CLVS1: variants seen among roughly 807,000 people sequenced by gnomAD.
CLVS1 encodes the protein clavesin-1.
Under a neutral mutation model 33.1 loss-of-function variants are expected in CLVS1, and 10 were observed. The ratio of observed to expected loss-of-function variants is 0.30; its 90% CI spans 0.19 to 0.51. The LOEUF (loss-of-function observed/expected upper bound fraction) is 0.51, where lower values mean the gene tolerates loss of function less well. Ranked by LOEUF, CLVS1 falls within the 20% of genes least tolerant of loss-of-function variation. The pLI is 0.97. For missense variants in CLVS1, 343 were observed against 433.4 expected, an observed-to-expected ratio of 0.79 and a Z score of 1.85; for synonymous variants, 163 against 166.1, an observed-to-expected ratio of 0.98 and a Z score of 0.14.
At chr8:61,440,763 A>G (rs1816509535) in intron 3 of CLVS1, among the ~76,000 whole-genome samples, 1 of 152,194 alleles carries the variant, frequency 6.6e-6, no homozygotes, top group Admixed American at 6.5e-5. Flanking sequence ...GAACCTGCAG[A>G]AAAAACCTAG....
At chr8:61,189,321 G>A (rs1807411496) in intron 2 of CLVS1, among the ~76,000 whole-genome samples, 1 of 152,128 alleles carries the variant, frequency 6.6e-6, no homozygotes, top group South Asian at 2.1e-4. Flanking sequence ...ACAAGCAAAT[G>A]CTGAGAGATT....
chr8:61,198,742 C>T (rs1290757396), intron 2 of CLVS1, among the ~76,000 whole-genome samples: 1 of 152,158 alleles, frequency 6.6e-6, no homozygotes, highest in Non-Finnish European at 1.5e-5. Flanking sequence ...TCTAAGTCTC[C>T]AAAGTCCATT....
chr8:61,073,856 C>CA (rs1222563690), intron 1 of CLVS1, among the ~76,000 whole-genome samples: 3 of 151,008 alleles, frequency 2.0e-5, no homozygotes, highest in Admixed American at 6.6e-5. Context: ...ACTAAAAATA[C>CA]AAAAAATTAG....
the CLVS1 span, among the ~76,000 whole-genome samples, chr8:60,977,815 T>G: frequency 1.3e-5 from 2 of 152,168 alleles, no homozygotes; most frequent in Non-Finnish European, 1.5e-5. Flanking sequence ...AGAAGTTCAA[T>G]GAACTCCAAG....
the CLVS1 span, among the ~76,000 whole-genome samples, chr8:60,995,571 C>G: frequency 6.6e-6 from 1 of 152,144 alleles, no homozygotes; most frequent in Non-Finnish European, 1.5e-5. Context: ...GTGGGACTGT[C>G]AACTAGTTCA....
chr8:61,396,821 C>T (rs1273258200), intron 3 of CLVS1, among the ~76,000 whole-genome samples: 1 of 152,180 alleles, frequency 6.6e-6, no homozygotes, highest in Non-Finnish European at 1.5e-5. Context: ...GCTTCTTTCT[C>T]TCAGCATAAT....
the CLVS1 span, among the ~76,000 whole-genome samples, chr8:61,028,371 G>T: frequency 6.6e-6 from 1 of 152,160 alleles, no homozygotes; most frequent in Non-Finnish European, 1.5e-5. Flanking sequence ...GAATCATACG[G>T]TAATTCTTAT....
At chr8:61,237,587 C>T (rs913306540) in intron 2 of CLVS1, among the ~76,000 whole-genome samples, 1 of 152,116 alleles carries the variant, frequency 6.6e-6, no homozygotes, top group Non-Finnish European at 1.5e-5. Context: ...GAGCATATTG[C>T]GGTCTAGAGA....
chr8:61,129,623 G>A (rs1462992453), intron 1 of CLVS1, among the ~76,000 whole-genome samples: 2 of 152,144 alleles, frequency 1.3e-5, no homozygotes, highest in Non-Finnish European at 1.5e-5. Flanking sequence ...GTCCAATAAG[G>A]CCACTTTCTG....
At chr8:61,464,742 A>G (rs1271520053) in intron 5 of CLVS1, 1 of 152,290 alleles carries the variant, frequency 6.6e-6, no homozygotes, top group Non-Finnish European at 1.5e-5. Context: ...CATGGCCACA[A>G]GGATGTCCTG....
At chr8:61,109,373 C>G (rs1189175320) in intron 1 of CLVS1, among the ~76,000 whole-genome samples, 1 of 152,126 alleles carries the variant, frequency 6.6e-6, no homozygotes, top group African/African-American at 2.4e-5. Context: ...ACCTAAAAAT[C>G]CAGCACACCC....
chr8:61,306,005 G>A (rs532250213), intron 2 of CLVS1, among the ~76,000 whole-genome samples: 9 of 152,222 alleles, frequency 5.9e-5, no homozygotes, highest in African/African-American at 1.7e-4. Context: ...GAACATACAC[G>A]TGCATGTGTC....
chr8:61,092,817 T>A (rs116060655), intron 1 of CLVS1, among the ~76,000 whole-genome samples: 3 of 152,242 alleles, frequency 2.0e-5, no homozygotes. Flanking sequence ...CCCTTTCCCA[T>A]GTGTCATAAC....
intron 3 of CLVS1, among the ~76,000 whole-genome samples, chr8:61,448,684 T>G (rs567296613): frequency 6.6e-6 from 1 of 151,642 alleles, no homozygotes; most frequent in African/African-American, 2.4e-5. Flanking sequence ...GAGACCAGCC[T>G]GGGCAACATA....
At chr8:61,310,699 G>A (rs1563489826) in intron 2 of CLVS1, among the ~76,000 whole-genome samples, 3 of 152,276 alleles carry the variant, frequency 2.0e-5, no homozygotes, top group South Asian at 2.1e-4. Context: ...CTGACAATAG[G>A]AACAGTGATG....
At chr8:61,328,712 C>A (rs934516846) in intron 2 of CLVS1, among the ~76,000 whole-genome samples, 12 of 152,188 alleles carry the variant, frequency 7.9e-5, no homozygotes, top group African/African-American at 2.9e-4. Context: ...TTTCTCTCAT[C>A]TGTGTTTTCA....
chr8:61,375,194 T>G (rs1002285783), intron 2 of CLVS1, among the ~76,000 whole-genome samples: 2 of 151,894 alleles, frequency 1.3e-5, no homozygotes, highest in Non-Finnish European at 2.9e-5. Flanking sequence ...ACTTTAAGCA[T>G]AGGCATAACA....
At chr8:61,208,502 TTGAA>T (rs1425648572) in intron 2 of CLVS1, among the ~76,000 whole-genome samples, 3 of 152,240 alleles carry the variant, frequency 2.0e-5, no homozygotes, top group Non-Finnish European at 4.4e-5. Flanking sequence ...TTTGCAGTGT[TTGAA>T]TGTTAAATTC....
chr8:61,476,117 C>T (rs1455122194), intron 5 of CLVS1, among the ~76,000 whole-genome samples: 1 of 152,072 alleles, frequency 6.6e-6, no homozygotes, highest in Non-Finnish European at 1.5e-5. Flanking sequence ...AGATATGTGA[C>T]ATTATTTCTG....
Sources: gnomAD v4.1 joint callset for allele counts (sites outside exome capture counted in the v4.1 genomes callset) on GRCh38, gnomAD v4.1.1 for gene constraint, MANE v1.5 for transcripts, NCBI Gene and HGNC (gene_info 2026-07-23, HGNC 2026-07-21) for gene names.